PDXDC1: variants seen among roughly 807,000 people sequenced by gnomAD.
PDXDC1 encodes pyridoxal dependent decarboxylase domain containing 1.
PDXDC1 carries 42 observed loss-of-function variants against 100.1 expected under a neutral mutation model. The ratio of observed to expected loss-of-function variants is 0.42; its 90% confidence interval spans 0.33 to 0.54. The LOEUF (loss-of-function observed/expected upper bound fraction) is 0.54, where lower values mean the gene tolerates loss of function less well. Among genes scored for constraint, PDXDC1 ranks in the 20% least tolerant of loss-of-function variants. PDXDC1 has a pLI of 0.10. For missense variants in PDXDC1, 636 were observed against 979.2 expected (o/e 0.65, Z 4.68); for synonymous variants, 260 against 371.7 (o/e 0.70, Z 3.46).
chr16:15,063,108 G>A lies in PDXDC1; in HGVS notation c.1399+33052G>A, dbSNP rs1820225. 4.7e-5 allele frequency: 46 copies of A among 982,998 alleles called. No individual in the cohort carries two copies. The African/African-American group carries it at 6.1e-4, about 13-fold the overall frequency. 60.9% of individuals were successfully genotyped at this position (982,998 alleles called of 1,614,324 possible). A position where few individuals can be genotyped will look rare whatever the true frequency, so the allele number is the denominator to read the frequency against. On this transcript the variant is annotated intron_variant, in intron 16 of 16. Coordinates refer to the PDXDC1 transcript ENST00000535621. ...ACCCCCTAAAGTGCGGGGATTACAC[G>A]CACGAACGACTTGCCACTTACTATC...
intron 1 of PDXDC1, among the ~76,000 whole-genome samples, chr16:14,978,658 G>A (rs1967253718): frequency 6.6e-6 from 1 of 152,300 alleles, no homozygotes; most frequent in Non-Finnish European, 1.5e-5. Flanking sequence ...GCCTCCCAAA[G>A]TGCTGGGATT....
chr16:15,125,077 G>T (rs1268725734), intron 16 of PDXDC1, among the ~76,000 whole-genome samples: 4 of 150,056 alleles, frequency 2.7e-5, no homozygotes, highest in African/African-American at 9.9e-5. Flanking sequence ...AACCCGGGAG[G>T]CGGAGGTTGC....
intron 14 of PDXDC1, among the ~76,000 whole-genome samples, chr16:15,027,726 C>G (rs1174945429): frequency 6.6e-6 from 1 of 152,298 alleles, no homozygotes; most frequent in African/African-American, 2.4e-5. Flanking sequence ...GGCCTGCTCT[C>G]CATGACCAGC....
chr16:15,038,830 C>T (rs931045008), downstream of PDXDC1: 3 of 582,434 alleles, frequency 5.2e-6, no homozygotes, highest in African/African-American at 3.8e-5. Context: ...ACAAAAGCTG[C>T]CAGCTACTGA....
downstream of PDXDC1, chr16:15,041,636 T>C (rs1330268441): frequency 1.2e-6 from 2 of 1,610,556 alleles, no homozygotes; most frequent in Non-Finnish European, 1.7e-6. Flanking sequence ...TCACACATAA[T>C]GTCACTAAGT....
rs1382302105 is a variant in PDXDC1, at chr16:15,080,091, A to C, written c.1399+50035A>C. The C allele has an allele frequency of 3.1e-6, 5 of 1,595,784 alleles. No homozygotes were observed. The Admixed American group carries it at 8.8e-5, about 28-fold the overall frequency. ...TAATCCTTAGTAAGTTATGAACGTA[A>C]CATTCCTAAAGGAGAAAATGTAAGA... On this transcript the variant is annotated intron_variant, in intron 16 of 16. Coordinates refer to the PDXDC1 transcript ENST00000535621.
chr16:15,070,004 A>C (rs1244178773), intron 16 of PDXDC1: 2 of 1,100,942 alleles, frequency 1.8e-6, no homozygotes, highest in Middle Eastern at 3.1e-4. Flanking sequence ...AAAAGTAATG[A>C]ATCACCATTC....
chr16:15,071,455 C>A (rs1273924614), intron 16 of PDXDC1, among the ~76,000 whole-genome samples: 1 of 152,140 alleles, frequency 6.6e-6, no homozygotes, highest in Non-Finnish European at 1.5e-5. Flanking sequence ...CAGTGGATCC[C>A]AAACCTAGCT....
chr16:15,087,631 C>T lies in PDXDC1; in HGVS notation c.1400-51248C>T, dbSNP rs951838221. On this transcript the variant is annotated intron_variant, in intron 16 of 16. Coordinates refer to the PDXDC1 transcript ENST00000535621. ...GCAGTAAAATAAAGTAAAACCACAA[C>T]TCATTTGTACTATGGTAATTTCATA... Among the ~76,000 whole-genome samples the T allele has an allele frequency of 3.3e-5, 5 of 152,234 alleles. No individual in the cohort carries two copies. In the East Asian group the frequency reaches 9.6e-4, roughly 29 times the overall value.
Position 15,006,487 on chromosome 16 carries a change from C to T in PDXDC1, c.483C>T (p.Phe161=), listed in dbSNP as rs369846085. ...CCATTCATTCTCGATATGAAGACTT[C>T]GTAGTGGATGGCTTCAATGTGTTAT... ...RLAIHSRYED[F]VVDGFNVLYN... is the part of the protein sequence containing the mutation. Residue 161 remains phenylalanine, a synonymous_variant, in exon 6 of 23, where the codon TTC becomes TTT. Transcript: ENST00000396410. 1.6e-5 allele frequency: 26 copies of T among 1,610,422 alleles called. No homozygotes were observed. Among genetic ancestry groups the T allele is most frequent in the South Asian group, 7.7e-5 (7 of 90,792 alleles).
chr16:15,036,649 CTCT>C lies in PDXDC1; in HGVS notation c.*375_*377del. On this transcript the variant is annotated 3_prime_UTR_variant, in exon 23 of 23. Coordinates refer to ENST00000396410, the MANE Select transcript of PDXDC1 (RefSeq NM_015027.4). ...TTGGTAAAACAGCTTTTCATTAGCA[CTCT>C]CCAGGTTCTCTGCAACACTTCACAG... 1 of 254,020 alleles carries C rather than the reference CTCT, an allele frequency of 3.9e-6. No individual in the cohort carries two copies. Among genetic ancestry groups the C allele is most frequent in the Non-Finnish European group, 7.6e-6 (1 of 131,436 alleles). The allele number at this position is 254,020 out of a possible 1,614,324, so 15.7% of individuals were successfully genotyped here. A position where few individuals can be genotyped will look rare whatever the true frequency, so the allele number is the denominator to read the frequency against.
chr16:15,142,243 C>A (rs979937361), downstream of PDXDC1, among the ~76,000 whole-genome samples: 4 of 152,134 alleles, frequency 2.6e-5, no homozygotes, highest in African/African-American at 9.7e-5. Flanking sequence ...AGAGCCCCCC[C>A]GCTCCCCACC....
chr16:15,061,966 A>C, intron 16 of PDXDC1: 2 of 1,487,372 alleles, frequency 1.3e-6, no homozygotes, highest in Non-Finnish European at 9.3e-7. Context: ...GCTTTCAACA[A>C]TTCCTTCCTC....
At chr16:15,123,380 T>C (rs1412225522) in intron 16 of PDXDC1, 19 of 1,165,500 alleles carry the variant, frequency 1.6e-5, no homozygotes, top group East Asian at 1.0e-4. Flanking sequence ...AAGGTCACTT[T>C]TGGTGACAAA....
intron 2 of PDXDC1, 103 bp downstream of exon 2, chr16:14,997,929 A>T: frequency 8.0e-7 from 1 of 1,248,728 alleles, no homozygotes; most frequent in South Asian, 1.5e-5. Flanking sequence ...TCACAGTGTC[A>T]CACACAGCTT....
chr16:15,099,648 C>A (rs1256154590), intron 16 of PDXDC1, among the ~76,000 whole-genome samples: 2 of 151,828 alleles, frequency 1.3e-5, no homozygotes, highest in Non-Finnish European at 2.9e-5. Context: ...AAGACCCTCC[C>A]CCTCCAAAAA....
chr16:15,035,099 C>T (rs1232481915), intron 21 of PDXDC1, among the ~76,000 whole-genome samples: 2 of 152,200 alleles, frequency 1.3e-5, no homozygotes, highest in Non-Finnish European at 2.9e-5. Context: ...TCCCAGGAAA[C>T]GATGACTCCA....
intron 16 of PDXDC1, among the ~76,000 whole-genome samples, chr16:15,055,236 G>A (rs1194667755): frequency 6.6e-6 from 1 of 152,136 alleles, no homozygotes; most frequent in African/African-American, 2.4e-5. Flanking sequence ...GCATAAGCGT[G>A]GACAAGAGTT....
At chr16:14,995,004 T>C (rs1971654399) in intron 1 of PDXDC1, among the ~76,000 whole-genome samples, 1 of 152,306 alleles carries the variant, frequency 6.6e-6, no homozygotes, top group South Asian at 2.1e-4. Flanking sequence ...TCCTGAGACT[T>C]TGCTGAAGTT....
Sources: allele counts gnomAD v4.1 joint callset (sites outside exome capture counted in the v4.1 genomes callset), GRCh38; gene constraint gnomAD v4.1.1; transcripts MANE v1.5; gene names NCBI Gene and HGNC (gene_info 2026-07-23, HGNC 2026-07-21).